The following ADNP variants were observed in gnomAD, a reference collection of about 807,000 sequenced individuals.
ADNP encodes the protein activity dependent neuroprotector homeobox.
In ADNP, 4 loss-of-function variants were observed where a neutral mutation model predicts 84.9. The ratio of observed to expected loss-of-function variants is 0.05; its 90% CI spans 0.02 to 0.11. ADNP has a LOEUF of 0.11. ADNP is among the 10% of genes least tolerant of loss of function. The pLI is 1.00. For synonymous variants in ADNP, 554 were observed against 468.1 expected, an observed-to-expected ratio of 1.18 and a Z score of -2.37; for missense variants, 1,132 against 1,326.0, an observed-to-expected ratio of 0.85 and a Z score of 2.27.
At chr20:50,916,842 G>A (rs1983548411) in intron 2 of ADNP, among the ~76,000 whole-genome samples, 1 of 152,144 alleles carries the variant, frequency 6.6e-6, no homozygotes, top group Non-Finnish European at 1.5e-5. Context: ...CAAGCATTCT[G>A]TTTCTGAAAT....
At chr20:50,925,080 G>C (rs1483703207) in intron 2 of ADNP, among the ~76,000 whole-genome samples, 1 of 152,256 alleles carries the variant, frequency 6.6e-6, no homozygotes, top group Middle Eastern at 3.4e-3. Context: ...AAGCTTGTGA[G>C]TGAAATCTCA....
Position 50,892,734 on chromosome 20 carries a change from G to A in ADNP, c.1980C>T (p.Leu660=). 1.2e-6 allele frequency: 2 copies of A among 1,614,202 alleles called. No homozygotes were observed. The highest frequency in any genetic ancestry group is 8.5e-7 in the Non-Finnish European group (1 of 1,180,044). ...IQTVHPVEKK[L]TYKCIHCLGV... ...CAAGGCAATGGATACATTTGTAGGT[G>A]AGCTTTTTCTCAACTGGATGAACCG... Residue 660 remains leucine (L), a synonymous_variant, in exon 6 of 6, where the codon CTC becomes CTT. Transcript: ENST00000621696.
chr20:50,907,400 G>A (rs904837049), intron 2 of ADNP, among the ~76,000 whole-genome samples: 3 of 151,810 alleles, frequency 2.0e-5, no homozygotes, highest in Non-Finnish European at 4.4e-5. Flanking sequence ...CTGAGTAGCT[G>A]GGACTACAGG....
At chr20:50,922,185 C>T (rs1360533426) in intron 2 of ADNP, among the ~76,000 whole-genome samples, 2 of 152,168 alleles carry the variant, frequency 1.3e-5, no homozygotes, top group African/African-American at 2.4e-5. Context: ...TGTGACCAAA[C>T]GTGTAGGGTT....
intron 5 of ADNP, among the ~76,000 whole-genome samples, chr20:50,898,212 T>C (rs1033587856): frequency 2.6e-5 from 4 of 152,202 alleles, no homozygotes; most frequent in African/African-American, 9.6e-5. Flanking sequence ...CCAAAATTCT[T>C]CCGCTGCCTT....
At chr20:50,903,520 T>C (rs1244200799) in intron 4 of ADNP, among the ~76,000 whole-genome samples, 1 of 152,336 alleles carries the variant, frequency 6.6e-6, no homozygotes, top group East Asian at 1.9e-4. Context: ...ACACTGCCAC[T>C]TTCTCAGCTG....
In ADNP at chr20:50,893,437, G is replaced by C. The variant is rs1981014908; in HGVS notation, c.1277C>G (p.Ser426Cys). The C allele has an allele frequency of 6.2e-7, 1 of 1,614,106 alleles. No individual in the cohort carries two copies. The highest frequency in any genetic ancestry group is 8.5e-7 in the Non-Finnish European group (1 of 1,180,030). Residue 426 changes from serine to cysteine, a missense_variant, in exon 6 of 6, where the codon TCC becomes TGC. This residue lies in a region of ADNP where 239 missense variants were observed against 213.2 expected (regional missense o/e 1.12). Transcript: ENST00000621696. This position sits in a 1 kb window ranked among gnomAD's most constrained non-coding sequence, Gnocchi z 4.4. ...GCCTGTGGCAGCTGCAGCAGGTTTG[G>C]AACTGGACTGACCTAACACTCTGGA... ...QASRVLGQSS[S>C]KPAAAATGPP...
rs932082869 is a variant in ADNP at position 50,900,921 on chromosome 20, T to A, written c.201+1096A>T. Among the ~76,000 whole-genome samples, 5 of 152,230 alleles carry A rather than the reference T, an allele frequency of 3.3e-5. No homozygotes were observed. The South Asian group carries it at 1.0e-3, about 31-fold the overall frequency. On this transcript the variant is annotated intron_variant, in intron 5 of 5. Transcript: ENST00000621696. ...CACTTCAAAAGAGCTAATGAAGTAA[T>A]AGCTGCTTTGATTCAAATCAAGAAG... is the stretch of plus-strand genomic sequence containing the variant.
chr20:50,915,766 T>C (rs1427509059), intron 2 of ADNP, among the ~76,000 whole-genome samples: 1 of 152,132 alleles, frequency 6.6e-6, no homozygotes, highest in Non-Finnish European at 1.5e-5. Flanking sequence ...TACTAGAAAA[T>C]GTACAGTAGT....
At chr20:50,917,079 G>A (rs1028470278) in intron 2 of ADNP, among the ~76,000 whole-genome samples, 4 of 152,148 alleles carry the variant, frequency 2.6e-5, no homozygotes, top group Non-Finnish European at 4.4e-5. Context: ...GCCCATGAGC[G>A]AGCTGGGTCT....
intron 2 of ADNP, among the ~76,000 whole-genome samples, chr20:50,921,829 G>A (rs62205205): frequency 1.3e-5 from 2 of 152,148 alleles, no homozygotes; most frequent in Non-Finnish European, 2.9e-5. Flanking sequence ...AAGATGCCTC[G>A]GTACTTAAAC....
intron 2 of ADNP, among the ~76,000 whole-genome samples, chr20:50,908,147 GTTTTTT>G (rs142605027): frequency 2.4e-4 from 25 of 105,904 alleles, no homozygotes; most frequent in East Asian, 1.2e-3. Context: ...AGATTTTTCT[GTTTTTT>G]TTTTTTTTTT....
chr20:50,915,421 T>A (rs531986215), intron 2 of ADNP, among the ~76,000 whole-genome samples: 139 of 152,352 alleles, frequency 9.1e-4, no homozygotes, highest in African/African-American at 3.3e-3. Context: ...ATTTGCATTT[T>A]AAAAAATTAA....
intron 2 of ADNP, among the ~76,000 whole-genome samples, chr20:50,908,281 G>C (rs933340514): frequency 6.6e-6 from 1 of 151,868 alleles, no homozygotes; most frequent in African/African-American, 2.4e-5. Context: ...ATCCCAGAAG[G>C]GGCCACTGTT....
At chr20:50,926,096 TCAAACAAA>T (rs554459423) in intron 2 of ADNP, among the ~76,000 whole-genome samples, 3 of 152,100 alleles carry the variant, frequency 2.0e-5, no homozygotes, top group South Asian at 2.1e-4. Context: ...CAAGACTGTC[TCAAACAAA>T]CAAACAAACA....
Position 50,891,408 on chromosome 20 carries a change from G to A in ADNP, c.3306C>T (p.Ala1102=), listed in dbSNP as rs1403912234. 1 of 1,599,788 alleles carries A rather than the reference G, an allele frequency of 6.3e-7. No individual in the cohort carries two copies. The highest frequency in any genetic ancestry group is 1.3e-5 in the African/African-American group (1 of 74,778). Residue 1102 remains alanine (A), a synonymous_variant, in exon 6 of 6, where the codon GCC becomes GCT. Coordinates refer to ENST00000621696, the MANE Select transcript of ADNP (RefSeq NM_001282531.3). ...CCAACGCCAGGGAACCTGGCACTTA[G>A]GCCTGTTGGCTGCTCAGTTTAACTC... The part of the protein sequence containing the change: ...LAGVKLSSQQ[A]
intron 2 of ADNP, among the ~76,000 whole-genome samples, chr20:50,919,973 T>C (rs2426207): frequency 0.26 from 39,632 of 151,930 alleles, 5,296 homozygotes; most frequent in Admixed American, 0.27. Flanking sequence ...ATGATTCTAA[T>C]GGCACTTTAA....
intron 2 of ADNP, among the ~76,000 whole-genome samples, chr20:50,925,442 G>C (rs139963089): frequency 2.0e-5 from 3 of 152,092 alleles, no homozygotes; most frequent in Non-Finnish European, 4.4e-5. Context: ...ACATAACGCA[G>C]GTGTAGGGAG....
intron 2 of ADNP, among the ~76,000 whole-genome samples, chr20:50,916,343 A>C (rs778502779): frequency 6.6e-6 from 1 of 152,220 alleles, no homozygotes; most frequent in Non-Finnish European, 1.5e-5. Flanking sequence ...TCCACACTGG[A>C]CAGCTTCTGT....
Sources: allele counts gnomAD v4.1 joint callset (sites outside exome capture counted in the v4.1 genomes callset), GRCh38; gene constraint gnomAD v4.1.1; regional missense constraint gnomAD v4.1.1; non-coding constraint Gnocchi (gnomAD v3.1); transcripts MANE v1.5; gene names NCBI Gene and HGNC (gene_info 2026-07-23, HGNC 2026-07-21).